The following DIS3L variants were observed in gnomAD, a reference collection of about 807,000 sequenced individuals.
The protein encoded by DIS3L is DIS3 like exosome 3'-5' exoribonuclease.
DIS3L carries 100 observed loss-of-function variants against 120.3 expected under a neutral mutation model. The ratio of observed to expected loss-of-function variants is 0.83; its 90% CI spans 0.71 to 0.98. DIS3L has a LOEUF of 0.98. Among genes scored for constraint, DIS3L ranks in the 50% least tolerant of loss-of-function variants. The pLI, the probability that DIS3L is intolerant of heterozygous loss-of-function variation, is 0.00. For synonymous variants in DIS3L, 426 were observed against 470.6 expected (o/e 0.91, Z 1.23); for missense variants, 1,196 against 1,314.2 (o/e 0.91, Z 1.39).
At chr15:66,325,744 G>C in intron 11 of DIS3L, 87 bp from the exon 12 acceptor site, 3 of 1,458,248 alleles carry the variant, frequency 2.1e-6, no homozygotes, top group Non-Finnish European at 2.8e-6. Flanking sequence ...CTGGGTGACA[G>C]AGCAAGATCC....
At chr15:66,320,867 A>G in intron 9 of DIS3L, 135 bp downstream of exon 9, 2 of 1,130,620 alleles carry the variant, frequency 1.8e-6, no homozygotes, top group Non-Finnish European at 2.5e-6. Context: ...GAAAAATCTC[A>G]ATCCTCTTTA....
In DIS3L at chr15:66,320,695, A is replaced by AAAACAGT. The variant is rs752406139; in HGVS notation, c.1291_1297dup (p.Ile433LysfsTer15). On this transcript the variant is annotated frameshift_variant, in exon 9 of 17. Transcript: ENST00000319212. LOFTEE classifies it high-confidence loss of function. ...GGGGAAATTGCAACCATCCTGGTGG[A>AAAACAGT]AAACAGTATTTCAGTTATTCCTTTC... 4 of 1,614,130 alleles carry AAAACAGT rather than the reference A, an allele frequency of 2.5e-6. No homozygotes were observed. Among genetic ancestry groups the AAAACAGT allele is most frequent in the Non-Finnish European group, 3.4e-6 (4 of 1,180,004 alleles).
rs551145628 is a variant in DIS3L at position 66,329,782 on chromosome 15, C to T, written c.2535+383C>T. On this transcript the variant is annotated intron_variant, in intron 14 of 16. Transcript: ENST00000319212. Reference sequence around the variant, plus strand: ...CAAAAATTAGCCGGGTGTGATGGCACGCGCCTGTAGTCCCAGTTACTTGGG... The same window carrying T: ...CAAAAATTAGCCGGGTGTGATGGCATGCGCCTGTAGTCCCAGTTACTTGGG... The T allele has an allele frequency of 2.4e-5, 22 of 933,740 alleles. No individual in the cohort carries two copies. The South Asian group carries it at 4.8e-4, about 20-fold the overall frequency. 57.8% of individuals were successfully genotyped at this position (933,740 alleles called of 1,614,324 possible).
rs147699160 is a variant in DIS3L, at chr15:66,313,887, G to GTATA, written c.736-139_736-136dup. 3.0e-4 allele frequency: 127 copies of GTATA among 429,554 alleles called. No homozygotes were observed. The East Asian group carries it at 4.0e-3, about 13-fold the overall frequency. 26.6% of individuals were successfully genotyped at this position (429,554 alleles called of 1,614,324 possible). A position where few individuals can be genotyped will look rare whatever the true frequency, so the allele number is the denominator to read the frequency against. Reference sequence around the variant, plus strand: ...TGTGTATATATATATATATGTGTGTGTATATATATATATATAGTTCCTAAA... The same window carrying GTATA: ...TGTGTATATATATATATATGTGTGTGTATATATATATATATATATAGTTCCTAAA... On this transcript the variant is annotated intron_variant, in intron 5 of 16. Transcript: ENST00000319212.
At chr15:66,330,127 C>A in intron 14 of DIS3L, 2 of 921,182 alleles carry the variant, frequency 2.2e-6, no homozygotes, top group Non-Finnish European at 2.6e-6. Flanking sequence ...ACAGTGAAAC[C>A]CCATCTCTAC....
chr15:66,331,968 G>A lies in DIS3L; in HGVS notation c.2629G>A (p.Asp877Asn). Reference protein sequence around the residue: ...DPATEERCISDGVIYSIRTNG... With the variant: ...DPATEERCISNGVIYSIRTNG... Reference sequence around the variant, plus strand: ...TGCCACCGAGGAGCGTTGCATATCTGACGGAGTTATTTATTCAATTAGAAC... The same window carrying A: ...TGCCACCGAGGAGCGTTGCATATCTAACGGAGTTATTTATTCAATTAGAAC... Residue 877 changes from aspartate to asparagine, a missense_variant, in exon 15 of 17, where the codon GAC becomes AAC. Physicochemically the swap from Asp to Asn is conservative, Grantham distance 23. Coordinates refer to ENST00000319212, the MANE Select transcript of DIS3L (RefSeq NM_001143688.3). 6.2e-7 allele frequency: 1 copy of A among 1,613,144 alleles called. No individual in the cohort carries two copies.
chr15:66,316,881 A>G (rs1428585534), intron 7 of DIS3L, among the ~76,000 whole-genome samples: 2 of 152,160 alleles, frequency 1.3e-5, no homozygotes, highest in African/African-American at 4.8e-5. Context: ...AAACTCCTCA[A>G]TGGCTGGTTC....
rs750447340 is a variant in DIS3L at position 66,329,379 on chromosome 15, C to T, written c.2515C>T (p.His839Tyr). 1.9e-6 allele frequency: 3 copies of T among 1,605,946 alleles called. No individual in the cohort carries two copies. Among genetic ancestry groups the T allele is most frequent in the Non-Finnish European group, 2.5e-6 (3 of 1,177,748 alleles). ...SNKDLEELCRHINNRNQAAQH... is the reference protein window; with the variant it reads ...SNKDLEELCRYINNRNQAAQH... ...CAAAGATCTTGAGGAATTATGCAGA[C>T]ATATCAACAACAGAAACCAAGTAAG... Residue 839 changes from histidine (H) to tyrosine (Y), a missense_variant, in exon 14 of 17, where the codon CAT (histidine) becomes TAT (tyrosine). His to Tyr is a moderately conservative substitution (Grantham distance 83). Transcript: ENST00000319212.
intron 2 of DIS3L, among the ~76,000 whole-genome samples, chr15:66,299,505 C>T (rs1008929009): frequency 1.4e-5 from 2 of 147,662 alleles, no homozygotes; most frequent in Non-Finnish European, 3.0e-5. Flanking sequence ...ACGATCACGC[C>T]GTTGCACTCC....
At chr15:66,316,073 CTTTAAT>C (rs951028649) in intron 7 of DIS3L, among the ~76,000 whole-genome samples, 20 of 152,018 alleles carry the variant, frequency 1.3e-4, no homozygotes, top group Admixed American at 4.6e-4. Context: ...TCCTGCAGTC[CTTTAAT>C]TTTAATTTTA....
intron 14 of DIS3L, chr15:66,330,701 G>A: frequency 5.1e-6 from 1 of 196,462 alleles, no homozygotes; most frequent in Non-Finnish European, 9.2e-6. Context: ...CACAGATAGA[G>A]AGCATTTCTA....
At chr15:66,313,924 C>A in intron 5 of DIS3L, 115 bp from the exon 6 acceptor site, 3 of 713,796 alleles carry the variant, frequency 4.2e-6, no homozygotes, top group Non-Finnish European at 6.7e-6. Context: ...GGATCACAAA[C>A]CTTAAAAGAA....
intron 2 of DIS3L, among the ~76,000 whole-genome samples, chr15:66,304,383 T>A (rs1197658251): frequency 6.7e-6 from 1 of 149,784 alleles, no homozygotes; most frequent in East Asian, 2.0e-4. Context: ...AGCCCAGGAG[T>A]TTGAGGCTGC....
At chr15:66,296,789 TGGGATTACA>T (rs2092591683) in intron 2 of DIS3L, among the ~76,000 whole-genome samples, 1 of 152,214 alleles carries the variant, frequency 6.6e-6, no homozygotes, top group Non-Finnish European at 1.5e-5. Context: ...CCCAAAGTGC[TGGGATTACA>T]GGCATGAGCC....
At chr15:66,311,173 G>A (rs1206474820) in intron 4 of DIS3L, among the ~76,000 whole-genome samples, 1 of 151,996 alleles carries the variant, frequency 6.6e-6, no homozygotes, top group East Asian at 1.9e-4. Context: ...GACCAGCCTG[G>A]GCAACATAGT....
intron 7 of DIS3L, among the ~76,000 whole-genome samples, chr15:66,317,545 CAA>C (rs755262506): frequency 3.3e-5 from 5 of 151,856 alleles, no homozygotes; most frequent in South Asian, 2.1e-4. Flanking sequence ...CGGTTTAAAA[CAA>C]GAGTGAAAAT....
chr15:66,297,010 A>C (rs2140315691), intron 2 of DIS3L, among the ~76,000 whole-genome samples: 1 of 151,338 alleles, frequency 6.6e-6, no homozygotes, highest in Middle Eastern at 3.5e-3. Flanking sequence ...AATGGATTTG[A>C]GACTGGTCTT....
At chr15:66,330,626 C>G in intron 14 of DIS3L, 2 of 805,180 alleles carry the variant, frequency 2.5e-6, no homozygotes, top group Non-Finnish European at 3.0e-6. Flanking sequence ...GCCAGTGTCT[C>G]AGTCACACTG....
chr15:66,293,510 G>T, upstream of DIS3L: 1 of 1,253,362 alleles, frequency 8.0e-7, no homozygotes, highest in South Asian at 2.6e-5. Flanking sequence ...CCGGAGCCGC[G>T]GCGCCTAGGG....
Sources: allele counts gnomAD v4.1 joint callset (sites outside exome capture counted in the v4.1 genomes callset), GRCh38; gene constraint gnomAD v4.1.1; transcripts MANE v1.5; gene names NCBI Gene and HGNC (gene_info 2026-07-23, HGNC 2026-07-21).